The following H4C3 variants were observed in gnomAD, a reference collection of about 807,000 sequenced individuals.
The protein encoded by H4C3 is H4 clustered histone 3.
A neutral mutation model predicts 5.3 loss-of-function variants in H4C3; 10 were observed. That is an observed-to-expected ratio of 1.87 (90% CI 1.16 to 3.18). H4C3 has a LOEUF of 3.18. H4C3 is among the 30% of genes most tolerant of loss of function. The pLI is 0.00. For synonymous variants in H4C3, 133 were observed against 56.8 expected (o/e 2.34, Z -6.03); for missense variants, 191 against 152.5 (o/e 1.25, Z -1.33).
chr6:26,104,137 G>T lies in H4C3; in HGVS notation c.190G>T (p.Glu64Ter), dbSNP rs767392986. ...ETRGVLKVFLENVIRDAVTYT... is the reference protein window; with the variant it reads ...ETRGVLKVFL ...TCGAGGTGTGCTTAAGGTTTTCTTA[G>T]AGAACGTTATTCGAGACGCCGTCAC... Residue 64 changes from glutamate to a stop codon, truncating the protein, a stop_gained, in exon 1 of 1, where the codon GAG becomes TAG. Transcript: ENST00000377803. LOFTEE classifies it high-confidence loss of function. The T allele has an allele frequency of 2.5e-6, 4 of 1,614,028 alleles. No homozygotes were observed. The highest frequency in any genetic ancestry group is 3.4e-6 in the Non-Finnish European group (4 of 1,180,036).
rs766080912 is a variant in H4C3 at position 26,104,028 on chromosome 6, C to A, written c.81C>A (p.Ile27=). ...KRHRKVLRDN[I]QGITKPAIRR... is the part of the protein sequence containing the mutation. ...ATCGTAAGGTGCTCCGGGATAACAT[C>A]CAGGGCATTACAAAACCGGCTATTC... is the stretch of plus-strand genomic sequence containing the variant. Residue 27 remains isoleucine (I), a synonymous_variant, in exon 1 of 1, where the codon ATC becomes ATA. Transcript: ENST00000377803. 1.2e-5 allele frequency: 20 copies of A among 1,614,042 alleles called. No individual in the cohort carries two copies. The Admixed American group carries it at 3.0e-4, about 24-fold the overall frequency.
In H4C3 at chr6:26,103,995, T is replaced by C. The variant is rs145591548; in HGVS notation, c.48T>C (p.Ala16=). The C allele has an allele frequency of 1.1e-5, 17 of 1,613,840 alleles. No homozygotes were observed. The highest frequency in any genetic ancestry group is 1.4e-5 in the Non-Finnish European group (16 of 1,179,858). Residue 16 remains alanine, a synonymous_variant, in exon 1 of 1, where the codon GCT becomes GCC. Transcript: ENST00000377803. ...KGGKGLGKGG[A]KRHRKVLRDN... ...GAAAAGGCTTGGGGAAGGGTGGTGC[T>C]AAGCGCCATCGTAAGGTGCTCCGGG...
Position 26,104,280 on chromosome 6 carries a change from C to G in H4C3, c.*21C>G. On this transcript the variant is annotated 3_prime_UTR_variant, in exon 1 of 1. Coordinates refer to ENST00000377803, the MANE Select transcript of H4C3 (RefSeq NM_003542.4). ...GCTGAATCTAAGAATACGCGGTCTC[C>G]TGAGAACTTCAAAAAACAAAAACAA... 1 of 1,549,290 alleles carries G rather than the reference C, an allele frequency of 6.5e-7. No individual in the cohort carries two copies. Among genetic ancestry groups the G allele is most frequent in the Non-Finnish European group, 8.7e-7 (1 of 1,148,384 alleles).
chr6:26,104,201 T>C lies in H4C3; in HGVS notation c.254T>C (p.Met85Thr). The change falls in exon 1 of 1, where the codon ATG (methionine) becomes ACG (threonine). Residue 85 changes from methionine (M) to threonine (T), a missense_variant. Coordinates refer to ENST00000377803, the MANE Select transcript of H4C3 (RefSeq NM_003542.4). ...EHAKRKTVTAMDVVYALKRQG... is the reference protein window; with the variant it reads ...EHAKRKTVTATDVVYALKRQG... ...GCCAAGCGCAAAACTGTCACAGCCA[T>C]GGATGTAGTATATGCCCTAAAACGT... The C allele has an allele frequency of 3.7e-6, 6 of 1,614,094 alleles. No homozygotes were observed. The highest frequency in any genetic ancestry group is 4.2e-6 in the Non-Finnish European group (5 of 1,179,998).
Position 26,104,330 on chromosome 6 carries a change from G to A in H4C3, c.*71G>A, listed in dbSNP as rs1763203792. On this transcript the variant is annotated 3_prime_UTR_variant, in exon 1 of 1. Coordinates refer to ENST00000377803, the MANE Select transcript of H4C3 (RefSeq NM_003542.4). ...AAAAAACCCAAAGGCCCTTTTCAGG[G>A]CCGCTCACAAAGTCGTTTAAAGAGC... 3 of 1,387,630 alleles carry A rather than the reference G, an allele frequency of 2.2e-6. No individual in the cohort carries two copies. The highest frequency in any genetic ancestry group is 3.0e-5 in the South Asian group (2 of 66,840). 86.0% of individuals were successfully genotyped at this position (1,387,630 alleles called of 1,614,324 possible).
In H4C3 at chr6:26,104,016, C is replaced by T. The variant is rs1345042601; in HGVS notation, c.69C>T (p.Leu23=). Residue 23 remains leucine, a synonymous_variant, in exon 1 of 1, where the codon CTC becomes CTT. Coordinates refer to ENST00000377803, the MANE Select transcript of H4C3 (RefSeq NM_003542.4). The part of the protein sequence containing the change: ...KGGAKRHRKV[L]RDNIQGITKP... ...GTGCTAAGCGCCATCGTAAGGTGCT[C>T]CGGGATAACATCCAGGGCATTACAA... 12 of 1,614,016 alleles carry T rather than the reference C, an allele frequency of 7.4e-6. No homozygotes were observed. The highest frequency in any genetic ancestry group is 1.1e-5 in the South Asian group (1 of 91,086).
Position 26,103,966 on chromosome 6 carries a change from G to T in H4C3, c.19G>T (p.Gly7Cys), listed in dbSNP as rs374983731. The change falls in exon 1 of 1, where the codon GGC (glycine) becomes TGC (cysteine). Residue 7 changes from glycine to cysteine, a missense_variant. Physicochemically the swap from Gly to Cys is radical, Grantham distance 159. Coordinates refer to ENST00000377803, the MANE Select transcript of H4C3 (RefSeq NM_003542.4). ...AGGAATCATGTCTGGTCGCGGCAAA[G>T]GCGGAAAAGGCTTGGGGAAGGGTGG... Reference protein sequence around the residue: MSGRGKGGKGLGKGGAK... With the variant: MSGRGKCGKGLGKGGAK... 3 of 1,608,716 alleles carry T rather than the reference G, an allele frequency of 1.9e-6. No homozygotes were observed. Among genetic ancestry groups the T allele is most frequent in the Non-Finnish European group, 1.7e-6 (2 of 1,175,760 alleles).
Sources: allele counts gnomAD v4.1 joint callset, GRCh38; gene constraint gnomAD v4.1.1; transcripts MANE v1.5; gene names NCBI Gene and HGNC (gene_info 2026-07-23, HGNC 2026-07-21).